Variants in PITPNC1 observed in about 807,000 individuals in gnomAD.
PITPNC1 encodes cytoplasmic phosphatidylinositol transfer protein 1.
In PITPNC1, 18 loss-of-function variants were observed where a neutral mutation model predicts 44.7. The ratio of observed to expected loss-of-function variants is 0.40; its 90% CI spans 0.28 to 0.60. The LOEUF is 0.60. PITPNC1 is among the 20% of genes least tolerant of loss of function. The pLI is 0.39. For missense variants in PITPNC1, 290 were observed against 418.4 expected, an observed-to-expected ratio of 0.69 and a Z score of 2.68; for synonymous variants, 141 against 149.6, an observed-to-expected ratio of 0.94 and a Z score of 0.42.
intron 1 of PITPNC1, among the ~76,000 whole-genome samples, chr17:67,477,568 TA>T (rs2039647811): frequency 4.4e-5 from 6 of 137,032 alleles, no homozygotes; most frequent in Non-Finnish European, 6.8e-5. Flanking sequence ...TTTATTTATT[TA>T]TTTATTTTTT....
chr17:67,683,123 T>C (rs1041208167), intron 8 of PITPNC1, among the ~76,000 whole-genome samples: 18 of 138,470 alleles, frequency 1.3e-4, no homozygotes, highest in African/African-American at 4.8e-4. Context: ...TATCACACCA[T>C]TGCACTCCAG....
At chr17:67,483,744 T>TG (rs1024060313) in intron 1 of PITPNC1, among the ~76,000 whole-genome samples, 1 of 152,134 alleles carries the variant, frequency 6.6e-6, no homozygotes, top group East Asian at 1.9e-4. Context: ...CTTCAAGCCC[T>TG]GGGGGGACTT....
At chr17:67,481,279 A>AGGGC (rs1336563577) in intron 1 of PITPNC1, among the ~76,000 whole-genome samples, 1 of 152,172 alleles carries the variant, frequency 6.6e-6, no homozygotes, top group Non-Finnish European at 1.5e-5. Flanking sequence ...AAGAGGCACA[A>AGGGC]CTTGCCGTCT....
chr17:67,534,537 C>G (rs150166013), intron 2 of PITPNC1, among the ~76,000 whole-genome samples: 221 of 151,862 alleles, frequency 1.5e-3, no homozygotes, highest in African/African-American at 4.9e-3. Context: ...ACTTGGAAGG[C>G]TGAGGTGGGA....
chr17:67,573,220 G>C (rs2041087519), intron 4 of PITPNC1, among the ~76,000 whole-genome samples: 1 of 152,196 alleles, frequency 6.6e-6, no homozygotes, highest in South Asian at 2.1e-4. Context: ...GGAAATGTGA[G>C]AGGAGTTGGA....
At chr17:67,626,048 G>A (rs117921420) in intron 5 of PITPNC1, among the ~76,000 whole-genome samples, 4,356 of 151,118 alleles carry the variant, frequency 0.029, 158 homozygotes, top group East Asian at 0.11. Flanking sequence ...GTGTAGTGGC[G>A]TGATCTTGGC....
At chr17:67,387,870 AT>A (rs1299464815) in intron 1 of PITPNC1, among the ~76,000 whole-genome samples, 3 of 151,814 alleles carry the variant, frequency 2.0e-5, no homozygotes, top group Non-Finnish European at 4.4e-5. Flanking sequence ...CTTTTCACTT[AT>A]TTTTTTCACA....
intron 5 of PITPNC1, among the ~76,000 whole-genome samples, chr17:67,615,768 T>G (rs1318635349): frequency 6.6e-6 from 1 of 152,110 alleles, no homozygotes; most frequent in African/African-American, 2.4e-5. Flanking sequence ...GGGGAGAAAT[T>G]GGAGCTATTT....
intron 1 of PITPNC1, among the ~76,000 whole-genome samples, chr17:67,490,578 A>C (rs751214358): frequency 1.3e-5 from 2 of 152,058 alleles, no homozygotes; most frequent in African/African-American, 2.4e-5. Flanking sequence ...TGGGATGAAG[A>C]GCCTCCCCGC....
chr17:67,436,795 G>T (rs1191393164), intron 1 of PITPNC1, among the ~76,000 whole-genome samples: 1 of 151,828 alleles, frequency 6.6e-6, no homozygotes, highest in Non-Finnish European at 1.5e-5. Flanking sequence ...TGGAAAGCTG[G>T]GTCATCTGTT....
At chr17:67,514,156 A>G (rs2040228021) in intron 1 of PITPNC1, among the ~76,000 whole-genome samples, 3 of 152,074 alleles carry the variant, frequency 2.0e-5, no homozygotes, top group Admixed American at 2.0e-4. Flanking sequence ...GAAGACCTCA[A>G]ATACTTGGAC....
At chr17:67,541,694 T>C (rs563171958) in intron 2 of PITPNC1, among the ~76,000 whole-genome samples, 4 of 152,208 alleles carry the variant, frequency 2.6e-5, no homozygotes, top group African/African-American at 9.6e-5. Flanking sequence ...ATCTAGAAAC[T>C]CAAGTGATAG....
chr17:67,385,558 C>G (rs186737181), intron 1 of PITPNC1, among the ~76,000 whole-genome samples: 3 of 150,580 alleles, frequency 2.0e-5, no homozygotes, highest in Admixed American at 2.0e-4. Context: ...TTGCTGTTCA[C>G]ACTAAATCTT....
At chr17:67,455,388 T>G (rs879612767) in intron 1 of PITPNC1, among the ~76,000 whole-genome samples, 1 of 152,172 alleles carries the variant, frequency 6.6e-6, no homozygotes, top group Non-Finnish European at 1.5e-5. Context: ...TTCCTTGGGA[T>G]AAATTACAAA....
chr17:67,456,531 C>T (rs903339132), intron 1 of PITPNC1, among the ~76,000 whole-genome samples: 2 of 151,730 alleles, frequency 1.3e-5, no homozygotes, highest in African/African-American at 4.8e-5. Context: ...TGAGTTTTAC[C>T]AGGTTTTCTC....
At chr17:67,679,481 A>G (rs930000803) in intron 8 of PITPNC1, among the ~76,000 whole-genome samples, 18 of 152,228 alleles carry the variant, frequency 1.2e-4, no homozygotes, top group Admixed American at 9.8e-4. Context: ...GTACACACTG[A>G]TGCATGGGTA....
chr17:67,545,240 G>C (rs2040661775), intron 2 of PITPNC1, among the ~76,000 whole-genome samples: 1 of 152,032 alleles, frequency 6.6e-6, no homozygotes, highest in South Asian at 2.1e-4. Flanking sequence ...TGAGCCCAAG[G>C]GTTCAGGGTT....
At chr17:67,407,363 CT>C in intron 1 of PITPNC1, among the ~76,000 whole-genome samples, 1 of 152,240 alleles carries the variant, frequency 6.6e-6, no homozygotes, top group Middle Eastern at 3.4e-3. Flanking sequence ...TACATGTCTT[CT>C]TTTGTTGAGT....
intron 1 of PITPNC1, among the ~76,000 whole-genome samples, chr17:67,428,485 A>G (rs2038804517): frequency 6.6e-6 from 1 of 151,908 alleles, no homozygotes; most frequent in African/African-American, 2.4e-5. Context: ...GGCTGCAGAA[A>G]TCGCACTACT....
Sources: allele counts gnomAD v4.1 joint callset (sites outside exome capture counted in the v4.1 genomes callset), GRCh38; gene constraint gnomAD v4.1.1; transcripts MANE v1.5; gene names NCBI Gene and HGNC (gene_info 2026-07-23, HGNC 2026-07-21).